ASTN2: variants seen among roughly 807,000 people sequenced by gnomAD.
ASTN2 encodes astrotactin-2.
A neutral mutation model predicts 139.8 loss-of-function variants in ASTN2; 54 were observed. That is an observed-to-expected ratio of 0.39 (90% CI 0.31 to 0.48). The LOEUF (loss-of-function observed/expected upper bound fraction) is 0.48, where lower values mean the gene tolerates loss of function less well. Ranked by LOEUF, ASTN2 falls within the 20% of genes least tolerant of loss-of-function variation. ASTN2 has a pLI of 0.95. For synonymous variants in ASTN2, 756 were observed against 719.5 expected (o/e 1.05, Z -0.81); for missense variants, 1,565 against 1,725.1 (o/e 0.91, Z 1.64).
chr9:116,650,435 T>C (rs1822013517), intron 17 of ASTN2, among the ~76,000 whole-genome samples: 1 of 152,210 alleles, frequency 6.6e-6, no homozygotes, highest in African/African-American at 2.4e-5. Flanking sequence ...ATATAAACTC[T>C]GGAGCAGACC....
At chr9:117,040,895 C>A (rs1838544719) in intron 5 of ASTN2, among the ~76,000 whole-genome samples, 1 of 152,270 alleles carries the variant, frequency 6.6e-6, no homozygotes. Context: ...ATTTCACAAG[C>A]GTTTACTGAG....
chr9:117,051,995 G>A (rs1039403191), intron 5 of ASTN2, among the ~76,000 whole-genome samples: 3 of 152,174 alleles, frequency 2.0e-5, no homozygotes, highest in Admixed American at 6.5e-5. Context: ...CTGGTGCACA[G>A]TAGATTATGG....
intron 4 of ASTN2, among the ~76,000 whole-genome samples, chr9:117,138,541 C>T (rs1373320243): frequency 2.0e-5 from 3 of 152,174 alleles, no homozygotes; most frequent in Admixed American, 2.0e-4. Flanking sequence ...GGATCATAGT[C>T]TAAGAATAAC....
intron 19 of ASTN2, among the ~76,000 whole-genome samples, chr9:116,580,115 C>T (rs754590235): frequency 3.2e-4 from 49 of 152,322 alleles, no homozygotes; most frequent in Admixed American, 4.6e-4. Flanking sequence ...CCCCCGCACC[C>T]GGCCAGTCAC....
At chr9:117,056,859 C>A (rs545934387) in intron 5 of ASTN2, among the ~76,000 whole-genome samples, 3 of 152,288 alleles carry the variant, frequency 2.0e-5, no homozygotes, top group Admixed American at 2.0e-4. Context: ...TAGAGTCGCA[C>A]AGGGCTAAGA....
chr9:116,977,870 C>G (rs7859982), intron 7 of ASTN2, among the ~76,000 whole-genome samples: 2 of 151,900 alleles, frequency 1.3e-5, no homozygotes, highest in Non-Finnish European at 2.9e-5. Flanking sequence ...GCATGCACCA[C>G]CATGCCCAGG....
At chr9:116,792,782 T>C (rs554382720) in intron 13 of ASTN2, among the ~76,000 whole-genome samples, 18 of 152,302 alleles carry the variant, frequency 1.2e-4, no homozygotes, top group Admixed American at 3.9e-4. Context: ...TGGTTCCTGC[T>C]TTCAAACTGG....
intron 2 of ASTN2, among the ~76,000 whole-genome samples, chr9:117,266,194 G>A (rs1195911709): frequency 6.6e-6 from 1 of 152,062 alleles, no homozygotes; most frequent in Non-Finnish European, 1.5e-5. Context: ...CTAAATGACT[G>A]CCCAAAGCTA....
At chr9:117,361,272 G>C (rs1829685730) in intron 1 of ASTN2, among the ~76,000 whole-genome samples, 1 of 152,180 alleles carries the variant, frequency 6.6e-6, no homozygotes, top group Admixed American at 6.5e-5. Context: ...TTGAGTCTTT[G>C]CTTCTTGTTC....
intron 6 of ASTN2, among the ~76,000 whole-genome samples, chr9:117,036,680 C>T (rs1838393659): frequency 6.6e-6 from 1 of 152,162 alleles, no homozygotes; most frequent in African/African-American, 2.4e-5. Flanking sequence ...ATTGGCCAAT[C>T]TCAAATCTGT....
At chr9:116,807,452 A>G (rs1251989302) in intron 12 of ASTN2, among the ~76,000 whole-genome samples, 1 of 152,186 alleles carries the variant, frequency 6.6e-6, no homozygotes, top group Non-Finnish European at 1.5e-5. Flanking sequence ...GCACTGATGC[A>G]CTGATGGTCT....
intron 10 of ASTN2, among the ~76,000 whole-genome samples, chr9:116,875,822 A>C (rs1296557033): frequency 6.6e-6 from 1 of 152,256 alleles, no homozygotes; most frequent in East Asian, 1.9e-4. Flanking sequence ...CCTGAATGAC[A>C]GCACATCTGT....
chr9:116,877,261 C>T (rs1027592485), intron 10 of ASTN2, among the ~76,000 whole-genome samples: 22 of 152,118 alleles, frequency 1.4e-4, no homozygotes, highest in Admixed American at 5.9e-4. Flanking sequence ...GCAAGCAGCA[C>T]CCTTCTGCAG....
intron 1 of ASTN2, among the ~76,000 whole-genome samples, chr9:117,306,774 C>T (rs1324480745): frequency 6.6e-6 from 1 of 152,184 alleles, no homozygotes; most frequent in South Asian, 2.1e-4. Flanking sequence ...GTCCCATCCA[C>T]TCATCCCATG....
intron 2 of ASTN2, among the ~76,000 whole-genome samples, chr9:117,288,340 C>G (rs1057105598): frequency 3.3e-5 from 5 of 152,162 alleles, no homozygotes; most frequent in African/African-American, 9.6e-5. Flanking sequence ...TGAATGGGAG[C>G]TGGTTTCCCT....
intron 20 of ASTN2, among the ~76,000 whole-genome samples, chr9:116,445,369 AGTTAGAAGAGAC>A (rs1199517108): frequency 6.6e-6 from 1 of 152,220 alleles, no homozygotes; most frequent in Non-Finnish European, 1.5e-5. Flanking sequence ...GCTTTCTTGG[AGTTAGAAGAGAC>A]GTATTTCAAC....
chr9:116,521,570 A>C (rs1402061763), intron 19 of ASTN2, among the ~76,000 whole-genome samples: 1 of 152,096 alleles, frequency 6.6e-6, no homozygotes, highest in Admixed American at 6.6e-5. Context: ...ACTAAGAAAA[A>C]CCTTTCTGGA....
intron 11 of ASTN2, among the ~76,000 whole-genome samples, chr9:116,855,025 G>T (rs1832704006): frequency 6.6e-6 from 1 of 151,940 alleles, no homozygotes; most frequent in Non-Finnish European, 1.5e-5. Flanking sequence ...GGAAAAAGGG[G>T]GGCTGCTTCC....
At chr9:116,954,772 C>T (rs1835664303) in intron 10 of ASTN2, among the ~76,000 whole-genome samples, 1 of 152,170 alleles carries the variant, frequency 6.6e-6, no homozygotes. Context: ...TCTTTTCACA[C>T]CCACCACTCT....
Sources: allele counts gnomAD v4.1 joint callset (sites outside exome capture counted in the v4.1 genomes callset), GRCh38; gene constraint gnomAD v4.1.1; transcripts MANE v1.5; gene names NCBI Gene and HGNC (gene_info 2026-07-23, HGNC 2026-07-21).